Variants in SLC9B1 observed in about 807,000 individuals in gnomAD.
The protein encoded by SLC9B1 is solute carrier family 9 member B1, also known as sodium/hydrogen exchanger 9B1.
A neutral mutation model predicts 51.7 loss-of-function variants in SLC9B1; 32 were observed. That is an observed-to-expected ratio of 0.62 (90% confidence interval 0.47 to 0.83). SLC9B1 has a LOEUF of 0.83. Ranked by LOEUF, SLC9B1 falls within the 40% of genes least tolerant of loss-of-function variation. The probability of loss-of-function intolerance (pLI) is 0.00; values close to 1 mark genes in which losing one functional copy is unlikely to be tolerated. For synonymous variants in SLC9B1, 145 were observed against 212.7 expected (o/e 0.68, Z 2.77); for missense variants, 406 against 613.2 (o/e 0.66, Z 3.57).
intron 2 of SLC9B1, among the ~76,000 whole-genome samples, chr4:102,991,185 C>A (rs556427548): frequency 4.0e-5 from 6 of 151,722 alleles, no homozygotes; most frequent in African/African-American, 1.5e-4. Flanking sequence ...TAAAAAAATA[C>A]GAAATTTACA....
At chr4:103,009,875 A>G (rs939726866) in intron 1 of SLC9B1, among the ~76,000 whole-genome samples, 2 of 152,074 alleles carry the variant, frequency 1.3e-5, no homozygotes, top group African/African-American at 2.4e-5. Context: ...ACATGCATGC[A>G]TAACAGAATA....
chr4:102,962,963 T>C (rs1738218203), intron 3 of SLC9B1: 2 of 462,654 alleles, frequency 4.3e-6, no homozygotes, highest in South Asian at 3.1e-5. Flanking sequence ...CTTTATGGAA[T>C]CCATCTTGAA....
intron 3 of SLC9B1, among the ~76,000 whole-genome samples, chr4:102,967,644 A>G (rs1396123804): frequency 6.6e-6 from 1 of 152,186 alleles, no homozygotes; most frequent in Non-Finnish European, 1.5e-5. Context: ...AACTAATCCC[A>G]CAAGAGTGAG....
intron 3 of SLC9B1, among the ~76,000 whole-genome samples, chr4:102,964,957 T>C (rs1250046723): frequency 1.3e-5 from 2 of 152,110 alleles, no homozygotes; most frequent in African/African-American, 4.8e-5. Flanking sequence ...GACAACTCTT[T>C]TTATTGTTAG....
chr4:102,917,890 A>G (rs1735663866), intron 7 of SLC9B1, among the ~76,000 whole-genome samples: 1 of 151,878 alleles, frequency 6.6e-6, no homozygotes, highest in Non-Finnish European at 1.5e-5. Flanking sequence ...AGCAACATGG[A>G]GAAACCTGTC....
At chr4:102,927,519 A>G (rs972177583) in intron 7 of SLC9B1, among the ~76,000 whole-genome samples, 2 of 152,226 alleles carry the variant, frequency 1.3e-5, no homozygotes, top group Non-Finnish European at 2.9e-5. Context: ...TCAAAACCAC[A>G]ATGAGATATC....
intron 3 of SLC9B1, among the ~76,000 whole-genome samples, chr4:102,956,514 A>T (rs939878571): frequency 3.9e-5 from 6 of 152,172 alleles, no homozygotes; most frequent in African/African-American, 1.4e-4. Context: ...CCCACAGATT[A>T]TTTGGCAGAC....
At chr4:102,913,158 A>T (rs1255634982) in intron 7 of SLC9B1, among the ~76,000 whole-genome samples, 1 of 152,078 alleles carries the variant, frequency 6.6e-6, no homozygotes, top group African/African-American at 2.4e-5. Context: ...CAGCTTCTCC[A>T]TTAGCAGGGA....
intron 6 of SLC9B1, among the ~76,000 whole-genome samples, chr4:102,941,061 C>T (rs2110468322): frequency 6.6e-6 from 1 of 151,962 alleles, no homozygotes; most frequent in Middle Eastern, 3.4e-3. Context: ...GGACACAGGC[C>T]ATTCTGGACA....
intron 11 of SLC9B1, among the ~76,000 whole-genome samples, chr4:102,905,250 TCA>T (rs1491170947): frequency 9.9e-5 from 15 of 152,052 alleles, no homozygotes; most frequent in Admixed American, 2.6e-4. Context: ...TGAGATGGAG[TCA>T]CTCTGTCGCC....
intron 6 of SLC9B1, among the ~76,000 whole-genome samples, chr4:102,944,733 G>C (rs900867810): frequency 1.3e-5 from 2 of 152,208 alleles, no homozygotes; most frequent in African/African-American, 4.8e-5. Flanking sequence ...AAGATGGATG[G>C]GGCATTGGAT....
chr4:102,920,006 C>G (rs933339909), intron 7 of SLC9B1, among the ~76,000 whole-genome samples: 1 of 152,228 alleles, frequency 6.6e-6, no homozygotes, highest in Non-Finnish European at 1.5e-5. Context: ...GCAACTTCTG[C>G]AAACTTAAAC....
chr4:102,987,672 G>A (rs921551797), intron 3 of SLC9B1, among the ~76,000 whole-genome samples: 2 of 152,066 alleles, frequency 1.3e-5, no homozygotes, highest in Non-Finnish European at 2.9e-5. Context: ...CTGCTGGTTG[G>A]CTGCAGAAGG....
chr4:102,904,573 G>A (rs1003996152), intron 11 of SLC9B1, among the ~76,000 whole-genome samples: 1 of 152,142 alleles, frequency 6.6e-6, no homozygotes, highest in Non-Finnish European at 1.5e-5. Context: ...GCTGGGCCCA[G>A]TGGGTTATGC....
chr4:103,009,740 C>T lies in SLC9B1; in HGVS notation c.-2+9859G>A, dbSNP rs201460397. ...CATCAACAGTTGTGAGTATGTATTG[C>T]TTTGGAATCTTTGGAACTATTGCTG... On this transcript the variant is annotated intron_variant, in intron 1 of 11. Transcript: ENST00000296422. Among the ~76,000 whole-genome samples the T allele has an allele frequency of 7.2e-5, 11 of 152,248 alleles. No homozygotes were observed. In the East Asian group the frequency reaches 2.1e-3, roughly 29 times the overall value.
At chr4:102,906,367 G>T in intron 10 of SLC9B1, 169 bp downstream of exon 10, 1 of 392,486 alleles carries the variant, frequency 2.5e-6, no homozygotes, top group Non-Finnish European at 4.5e-6. Flanking sequence ...AAAAAAAAAA[G>T]AGCACCCAGT....
At chr4:102,990,845 T>A (rs932112317) in intron 2 of SLC9B1, among the ~76,000 whole-genome samples, 14 of 152,078 alleles carry the variant, frequency 9.2e-5, no homozygotes, top group Non-Finnish European at 1.8e-4. Context: ...AGCTGATGGT[T>A]AAAAATGAAT....
intron 1 of SLC9B1, among the ~76,000 whole-genome samples, chr4:103,008,831 G>A (rs1171029285): frequency 2.5e-5 from 3 of 119,968 alleles, no homozygotes; most frequent in African/African-American, 3.4e-5. Context: ...ACGGAGTCTC[G>A]CTCTGTAGCC....
intron 8 of SLC9B1, among the ~76,000 whole-genome samples, chr4:102,911,147 T>C (rs1315615118): frequency 6.6e-6 from 1 of 152,152 alleles, no homozygotes; most frequent in Non-Finnish European, 1.5e-5. Flanking sequence ...CAAACATCAG[T>C]AGGCAGTTTA....
Sources: gnomAD v4.1 joint callset for allele counts (sites outside exome capture counted in the v4.1 genomes callset) on GRCh38, gnomAD v4.1.1 for gene constraint, MANE v1.5 for transcripts, NCBI Gene and HGNC (gene_info 2026-07-23, HGNC 2026-07-21) for gene names.